Variants in AKAP19 observed in about 807,000 individuals in gnomAD.
The protein encoded by AKAP19 is A-kinase anchoring protein 19.
chr2:190,191,836 ATACT>A, the AKAP19 span, among the ~76,000 whole-genome samples: 2 of 151,826 alleles, frequency 1.3e-5, no homozygotes, highest in Non-Finnish European at 2.9e-5. Context: ...TTGAGTTTTG[ATACT>A]TATATATTCT....
the AKAP19 span, among the ~76,000 whole-genome samples, chr2:190,191,277 G>A: frequency 1.3e-5 from 2 of 151,936 alleles, no homozygotes; most frequent in African/African-American, 4.8e-5. Flanking sequence ...CAAGCAGCTG[G>A]GACTACAGGT....
At chr2:190,140,190 C>T in the AKAP19 span, among the ~76,000 whole-genome samples, 1 of 152,190 alleles carries the variant, frequency 6.6e-6, no homozygotes, top group Non-Finnish European at 1.5e-5. Flanking sequence ...AGCTCTACCC[C>T]TGTGGCTTTG....
chr2:190,177,499 C>T, the AKAP19 span, among the ~76,000 whole-genome samples: 461 of 152,336 alleles, frequency 3.0e-3, 9 homozygotes, highest in Admixed American at 0.024. The surrounding 1 kb of genome is among the most constrained non-coding windows in gnomAD (Gnocchi z 4.6). Flanking sequence ...TCCTTCCTGA[C>T]AAGGCCACAT....
At chr2:190,129,732 C>T in the AKAP19 span, among the ~76,000 whole-genome samples, 4 of 151,938 alleles carry the variant, frequency 2.6e-5, no homozygotes, top group Admixed American at 2.0e-4. Flanking sequence ...TTGTGTAAGT[C>T]ACCATGATCA....
At chr2:190,177,508 A>G in the AKAP19 span, among the ~76,000 whole-genome samples, 1 of 152,202 alleles carries the variant, frequency 6.6e-6, no homozygotes, top group Non-Finnish European at 1.5e-5. The surrounding 1 kb of genome is among the most constrained non-coding windows in gnomAD (Gnocchi z 4.6). Context: ...ACAAGGCCAC[A>G]TCATCTCACT....
chr2:189,959,490 A>C, the AKAP19 span, among the ~76,000 whole-genome samples: 1 of 152,162 alleles, frequency 6.6e-6, no homozygotes, highest in East Asian at 1.9e-4. Flanking sequence ...ATTTCTCATT[A>C]GCAGTCCTAA....
At chr2:190,143,999 T>C in the AKAP19 span, among the ~76,000 whole-genome samples, 1 of 115,148 alleles carries the variant, frequency 8.7e-6, no homozygotes, top group East Asian at 2.6e-4. Context: ...GGAAGGGGAA[T>C]ATCACACTCT....
chr2:190,036,595 AG>A, the AKAP19 span, among the ~76,000 whole-genome samples: 1 of 33,956 alleles, frequency 2.9e-5, no homozygotes, highest in Admixed American at 4.7e-4. Flanking sequence ...GGTTTTTGGT[AG>A]TATTTTTTTT....
At chr2:190,115,142 TGTGTGTGTGTGA>T in the AKAP19 span, among the ~76,000 whole-genome samples, 1 of 117,074 alleles carries the variant, frequency 8.5e-6, no homozygotes, top group African/African-American at 3.1e-5. Context: ...AGAGAAAGAG[TGTGTGTGTGTGA>T]GTGTGTGTGT....
At chr2:190,057,830 T>G in the AKAP19 span, among the ~76,000 whole-genome samples, 1 of 152,112 alleles carries the variant, frequency 6.6e-6, no homozygotes, top group Non-Finnish European at 1.5e-5. Context: ...CAAAAGAATT[T>G]AACAGCAATA....
At chr2:190,113,698 C>G in the AKAP19 span, among the ~76,000 whole-genome samples, 1 of 152,172 alleles carries the variant, frequency 6.6e-6, no homozygotes. Context: ...CAGGAGTAGA[C>G]AATTCTGGAG....
At chr2:189,948,985 C>T in the AKAP19 span, among the ~76,000 whole-genome samples, 898 of 151,870 alleles carry the variant, frequency 5.9e-3, 5 homozygotes, top group Middle Eastern at 0.027. Flanking sequence ...TAATCCTTTG[C>T]TAAACGCTTA....
the AKAP19 span, among the ~76,000 whole-genome samples, chr2:190,084,090 G>GTTTTTTTT: frequency 7.6e-6 from 1 of 132,088 alleles, no homozygotes; most frequent in South Asian, 2.4e-4. Context: ...TAGAGCTCAG[G>GTTTTTTTT]TTTTTTTTTT....
the AKAP19 span, among the ~76,000 whole-genome samples, chr2:190,046,269 C>A: frequency 6.6e-6 from 1 of 151,892 alleles, no homozygotes; most frequent in East Asian, 1.9e-4. Context: ...TTTCTTAGTT[C>A]TCTGTGATTT....
chr2:189,998,756 TTTC>T, the AKAP19 span, among the ~76,000 whole-genome samples: 1 of 87,038 alleles, frequency 1.1e-5, no homozygotes, highest in Non-Finnish European at 2.2e-5. Flanking sequence ...CTCTTCTTTC[TTTC>T]TTTCTTTCTT....
chr2:189,901,929 T>C, the AKAP19 span, among the ~76,000 whole-genome samples: 1 of 152,168 alleles, frequency 6.6e-6, no homozygotes, highest in Non-Finnish European at 1.5e-5. Flanking sequence ...GTACTATGTA[T>C]GAGTCATTAA....
At chr2:190,015,706 C>G in the AKAP19 span, among the ~76,000 whole-genome samples, 1 of 152,204 alleles carries the variant, frequency 6.6e-6, no homozygotes, top group African/African-American at 2.4e-5. Flanking sequence ...TTACACTCTG[C>G]TTCCCTTTTA....
chr2:190,057,244 G>T, the AKAP19 span: 47 of 1,612,536 alleles, frequency 2.9e-5, 1 homozygote, highest in Middle Eastern at 3.3e-4. Context: ...AGTTATGAAC[G>T]CTTAATATAA....
At chr2:190,014,829 G>C in the AKAP19 span, among the ~76,000 whole-genome samples, 1 of 152,134 alleles carries the variant, frequency 6.6e-6, no homozygotes, top group Non-Finnish European at 1.5e-5. Flanking sequence ...CCAAAACAAA[G>C]GGGCTACAGG....
Sources: gnomAD v4.1 joint callset for allele counts (sites outside exome capture counted in the v4.1 genomes callset) on GRCh38, gnomAD v4.1.1 for gene constraint, Gnocchi (gnomAD v3.1) non-coding constraint, MANE v1.5 for transcripts, NCBI Gene and HGNC (gene_info 2026-07-23, HGNC 2026-07-21) for gene names.